The following GNAQ variants were observed in gnomAD, a reference collection of about 807,000 sequenced individuals.
GNAQ encodes the protein guanine nucleotide-binding protein G(q) subunit alpha.
GNAQ carries 8 observed loss-of-function variants against 43.9 expected under a neutral mutation model. That is an observed-to-expected ratio of 0.18 (90% CI 0.11 to 0.33). GNAQ has a LOEUF of 0.33. GNAQ is among the 10% of genes least tolerant of loss of function. The probability of loss-of-function intolerance (pLI) is 1.00; values close to 1 mark genes in which losing one functional copy is unlikely to be tolerated. For synonymous variants in GNAQ, 155 were observed against 170.7 expected, an observed-to-expected ratio of 0.91 and a Z score of 0.71; for missense variants, 158 against 450.8, an observed-to-expected ratio of 0.35 and a Z score of 5.88.
At chr9:77,754,427 T>C (rs1490077131) in intron 5 of GNAQ, among the ~76,000 whole-genome samples, 2 of 152,182 alleles carry the variant, frequency 1.3e-5, no homozygotes. Flanking sequence ...TATTATCTCA[T>C]TTAACACTCA....
At position 77,786,833 on chromosome 9, in the gene GNAQ, A is replaced by C. The variant is rs988916787; in HGVS notation, c.735+7630T>G. ...TGCTTGTAATACTACTACTAGGTACATATACACCAGATATGTACACCTATG... is the reference window on the plus strand; with the variant it reads ...TGCTTGTAATACTACTACTAGGTACCTATACACCAGATATGTACACCTATG... On this transcript the variant is annotated intron_variant, in intron 5 of 6. Transcript: ENST00000286548. Among the ~76,000 whole-genome samples the C allele has an allele frequency of 3.3e-5, 5 of 152,332 alleles. No homozygotes were observed. The East Asian group carries it at 9.6e-4, about 29-fold the overall frequency.
chr9:77,737,863 T>C (rs573063543), intron 5 of GNAQ, among the ~76,000 whole-genome samples: 2 of 152,316 alleles, frequency 1.3e-5, no homozygotes, highest in South Asian at 2.1e-4. Flanking sequence ...CATTTGCTTA[T>C]AGAAATAGCT....
intron 1 of GNAQ, among the ~76,000 whole-genome samples, chr9:78,008,967 T>C (rs1302338405): frequency 6.6e-6 from 1 of 152,198 alleles, no homozygotes; most frequent in Admixed American, 6.5e-5. Context: ...CTAGCTAATG[T>C]TATTGCTAAA....
intron 5 of GNAQ, among the ~76,000 whole-genome samples, chr9:77,766,055 G>T (rs1826131770): frequency 6.6e-6 from 1 of 152,202 alleles, no homozygotes; most frequent in Admixed American, 6.5e-5. Context: ...AGATAGAATG[G>T]TGGTTGTGGG....
intron 2 of GNAQ, among the ~76,000 whole-genome samples, chr9:77,889,540 C>T (rs1218356128): frequency 1.4e-5 from 2 of 148,006 alleles, no homozygotes; most frequent in African/African-American, 5.0e-5. Flanking sequence ...GCAGGGTTTT[C>T]AGAATATTCT....
intron 5 of GNAQ, among the ~76,000 whole-genome samples, chr9:77,766,248 TCA>T (rs1410565378): frequency 6.6e-6 from 1 of 152,220 alleles, no homozygotes; most frequent in South Asian, 2.1e-4. Flanking sequence ...AAATTTTTTA[TCA>T]GTGTGAAGTG....
intron 1 of GNAQ, among the ~76,000 whole-genome samples, chr9:77,993,721 G>T (rs761521218): frequency 1.1e-4 from 17 of 151,956 alleles, no homozygotes; most frequent in Non-Finnish European, 2.1e-4. Flanking sequence ...AAAAAAAAAG[G>T]TGCAGCTAAA....
chr9:77,903,274 C>A (rs1828640940), intron 2 of GNAQ, among the ~76,000 whole-genome samples: 2 of 152,082 alleles, frequency 1.3e-5, no homozygotes, highest in South Asian at 4.1e-4. Flanking sequence ...GACCTGAATG[C>A]CCAGCTGCCT....
intron 2 of GNAQ, among the ~76,000 whole-genome samples, chr9:77,860,833 C>T (rs553294792): frequency 1.3e-5 from 2 of 152,300 alleles, no homozygotes; most frequent in South Asian, 4.2e-4. Context: ...AAGTTCATGA[C>T]TCCACTTAAG....
intron 5 of GNAQ, among the ~76,000 whole-genome samples, chr9:77,751,416 T>C (rs942141980): frequency 6.6e-5 from 10 of 152,248 alleles, no homozygotes; most frequent in Admixed American, 2.0e-4. Flanking sequence ...ATACATGGCA[T>C]GTAACCAGTA....
chr9:77,815,862 C>T, intron 2 of GNAQ, 92 bp from the exon 3 acceptor site: 1 of 763,220 alleles, frequency 1.3e-6, no homozygotes. Context: ...TCAGGTAACA[C>T]CTTCCTTCAT....
chr9:77,792,289 A>T (rs1826587499), intron 5 of GNAQ, among the ~76,000 whole-genome samples: 1 of 152,154 alleles, frequency 6.6e-6, no homozygotes, highest in South Asian at 2.1e-4. Context: ...AAAAAATGAT[A>T]GCTTTATTAT....
chr9:77,735,563 G>A (rs1375128818), intron 5 of GNAQ, among the ~76,000 whole-genome samples: 39 of 152,146 alleles, frequency 2.6e-4, no homozygotes, highest in Admixed American at 2.6e-3. Flanking sequence ...ATTGTTTAGG[G>A]AAAAGCTTGC....
chr9:77,716,742 C>G lies in GNAQ; in HGVS notation c.*4581G>C, dbSNP rs1487351309. 3 of 232,726 alleles carry G rather than the reference C, an allele frequency of 1.3e-5. No homozygotes were observed. The Admixed American group carries it at 1.7e-4, about 13-fold the overall frequency. 14.4% of individuals were successfully genotyped at this position (232,726 alleles called of 1,614,324 possible). ...TCTGATTTTACCCAATAGATGTTTT[C>G]ATAACATGTAAATGTCATTTGCTAT... On this transcript the variant is annotated 3_prime_UTR_variant, in exon 7 of 7. Transcript: ENST00000286548.
chr9:77,927,562 C>T (rs1829087292), intron 1 of GNAQ, among the ~76,000 whole-genome samples: 1 of 151,622 alleles, frequency 6.6e-6, no homozygotes, highest in South Asian at 2.1e-4. Context: ...CATGGTTTAT[C>T]ATCTTTACTC....
intron 2 of GNAQ, among the ~76,000 whole-genome samples, chr9:77,902,047 T>C (rs1828624558): frequency 6.6e-6 from 1 of 152,174 alleles, no homozygotes; most frequent in South Asian, 2.1e-4. Flanking sequence ...GATCTCAACA[T>C]ACAAATTTTG....
At chr9:77,988,582 A>C (rs776271873) in intron 1 of GNAQ, among the ~76,000 whole-genome samples, 1 of 152,226 alleles carries the variant, frequency 6.6e-6, no homozygotes, top group Non-Finnish European at 1.5e-5. Context: ...TGGGATAGGA[A>C]GCATGGTACA....
chr9:77,982,503 T>A (rs1019467969), intron 1 of GNAQ, among the ~76,000 whole-genome samples: 1 of 152,162 alleles, frequency 6.6e-6, no homozygotes, highest in African/African-American at 2.4e-5. Flanking sequence ...GAGAGACATA[T>A]GACATGGGGG....
At chr9:77,936,067 A>T (rs1478954730) in intron 1 of GNAQ, among the ~76,000 whole-genome samples, 1 of 152,234 alleles carries the variant, frequency 6.6e-6, no homozygotes, top group East Asian at 1.9e-4. Flanking sequence ...TTGAGAAAGT[A>T]AAGTTAAAGA....
Sources: gnomAD v4.1 joint callset for allele counts (sites outside exome capture counted in the v4.1 genomes callset) on GRCh38, gnomAD v4.1.1 for gene constraint, MANE v1.5 for transcripts, NCBI Gene and HGNC (gene_info 2026-07-23, HGNC 2026-07-21) for gene names.